The following RABGEF1 variants were observed in gnomAD, a reference collection of about 807,000 sequenced individuals.
RABGEF1 encodes RAB guanine nucleotide exchange factor 1.
A neutral mutation model predicts 57.3 loss-of-function variants in RABGEF1; 26 were observed. The ratio of observed to expected loss-of-function variants is 0.45; its 90% confidence interval spans 0.33 to 0.63. The LOEUF (loss-of-function observed/expected upper bound fraction) is 0.63, where lower values mean the gene tolerates loss of function less well. Among genes scored for constraint, RABGEF1 ranks in the 20% least tolerant of loss-of-function variants. The probability of loss-of-function intolerance (pLI) is 0.02; values close to 1 mark genes in which losing one functional copy is unlikely to be tolerated. For missense variants in RABGEF1, 464 were observed against 607.6 expected (o/e 0.76, Z 2.48); for synonymous variants, 185 against 210.7 (o/e 0.88, Z 1.06).
At chr7:66,708,701 A>G (rs1422314129) in intron 1 of RABGEF1, among the ~76,000 whole-genome samples, 4 of 151,990 alleles carry the variant, frequency 2.6e-5, no homozygotes. Context: ...GTTCCCAGCT[A>G]CTCAGGAGGC....
the RABGEF1 span, among the ~76,000 whole-genome samples, chr7:66,670,433 ATTTTTTT>A: frequency 7.8e-5 from 9 of 116,064 alleles, no homozygotes; most frequent in Non-Finnish European, 1.6e-4. Context: ...GAATGAGATG[ATTTTTTT>A]TTTTTTTTTT....
At chr7:66,661,753 C>T in the RABGEF1 span, among the ~76,000 whole-genome samples, 2 of 152,230 alleles carry the variant, frequency 1.3e-5, no homozygotes, top group African/African-American at 2.4e-5. Flanking sequence ...GGAGGAAATA[C>T]TTTCTAACTC....
At chr7:66,716,821 C>T (rs1423078567) in intron 2 of RABGEF1, among the ~76,000 whole-genome samples, 1 of 152,062 alleles carries the variant, frequency 6.6e-6, no homozygotes, top group African/African-American at 2.4e-5. Context: ...CTCTGTTGCC[C>T]GGGCTGGAGT....
At chr7:66,685,044 C>A (rs1790387622) in intron 1 of RABGEF1, among the ~76,000 whole-genome samples, 1 of 151,824 alleles carries the variant, frequency 6.6e-6, no homozygotes, top group Non-Finnish European at 1.5e-5. Flanking sequence ...GGATTACAAA[C>A]ATGAGCCACT....
At chr7:66,738,175 C>A (rs534916553), upstream of RABGEF1, among the ~76,000 whole-genome samples, 14 of 151,994 alleles carry the variant, frequency 9.2e-5, no homozygotes, top group Non-Finnish European at 1.9e-4. Flanking sequence ...TACAGGCCAC[C>A]ACCTGGCTAA....
intron 1 of RABGEF1, among the ~76,000 whole-genome samples, chr7:66,749,271 G>T (rs1233200399): frequency 2.0e-5 from 3 of 152,174 alleles, no homozygotes; most frequent in African/African-American, 7.2e-5. Context: ...TCAAATGCTA[G>T]CAGGAGCCAT....
At chr7:66,763,857 A>G (rs974504213) in intron 1 of RABGEF1, among the ~76,000 whole-genome samples, 2 of 152,236 alleles carry the variant, frequency 1.3e-5, no homozygotes, top group Non-Finnish European at 2.9e-5. Context: ...TTATGGATAT[A>G]CCACATTTTG....
chr7:66,780,884 G>A (rs1323881371), intron 3 of RABGEF1, among the ~76,000 whole-genome samples: 2 of 151,990 alleles, frequency 1.3e-5, no homozygotes, highest in African/African-American at 4.8e-5. Context: ...TTGTTTCAGA[G>A]TATGCTTTTC....
intron 2 of RABGEF1, among the ~76,000 whole-genome samples, chr7:66,729,380 CTCT>C (rs563610113): frequency 6.2e-4 from 94 of 151,620 alleles, no homozygotes; most frequent in Non-Finnish European, 8.0e-4. Flanking sequence ...CATTCTCACT[CTCT>C]TCTCACTCAC....
At chr7:66,664,162 C>A in the RABGEF1 span, among the ~76,000 whole-genome samples, 1 of 151,704 alleles carries the variant, frequency 6.6e-6, no homozygotes, top group Admixed American at 6.6e-5. Context: ...AAGATTGATC[C>A]ACAGAAAGGT....
At chr7:66,760,442 A>AT (rs1024130038) in intron 1 of RABGEF1, among the ~76,000 whole-genome samples, 15,962 of 126,112 alleles carry the variant, frequency 0.13, 1,116 homozygotes, top group Middle Eastern at 0.14. Flanking sequence ...GTTAGCATGT[A>AT]TTTTTTTTTT....
At chr7:66,667,218 A>T in the RABGEF1 span, among the ~76,000 whole-genome samples, 2 of 152,010 alleles carry the variant, frequency 1.3e-5, no homozygotes, top group Non-Finnish European at 1.5e-5. Flanking sequence ...AGTGCTGAGC[A>T]CCCTTAGTGC....
At chr7:66,790,475 G>A (rs1442682214) in intron 4 of RABGEF1, among the ~76,000 whole-genome samples, 12 of 152,188 alleles carry the variant, frequency 7.9e-5, no homozygotes, top group Non-Finnish European at 1.3e-4. Context: ...CTAGCATGAG[G>A]TCTTGTTCCA....
the RABGEF1 span, among the ~76,000 whole-genome samples, chr7:66,677,081 T>C: frequency 6.6e-6 from 1 of 152,216 alleles, no homozygotes; most frequent in Non-Finnish European, 1.5e-5. Context: ...TTTGATTTAT[T>C]TTTGAATTAA....
chr7:66,792,696 G>A (rs1220273854), intron 4 of RABGEF1, among the ~76,000 whole-genome samples: 4 of 152,186 alleles, frequency 2.6e-5, no homozygotes, highest in African/African-American at 9.6e-5. Flanking sequence ...TCACAGATAG[G>A]TAGAAAGAGA....
At chr7:66,691,477 A>C (rs998198250) in intron 1 of RABGEF1, among the ~76,000 whole-genome samples, 1 of 152,190 alleles carries the variant, frequency 6.6e-6, no homozygotes, top group African/African-American at 2.4e-5. Flanking sequence ...GTGTCAAAAA[A>C]TATGCTGAGT....
upstream of RABGEF1, among the ~76,000 whole-genome samples, chr7:66,680,610 A>G (rs1489966072): frequency 6.6e-6 from 1 of 151,772 alleles, no homozygotes; most frequent in African/African-American, 2.4e-5. Flanking sequence ...GAAGAATTTG[A>G]GAAACGAATC....
chr7:66,731,962 A>G (rs749733059), intron 2 of RABGEF1, among the ~76,000 whole-genome samples: 1 of 152,118 alleles, frequency 6.6e-6, no homozygotes, highest in Non-Finnish European at 1.5e-5. Flanking sequence ...CCCAGGGCCC[A>G]TGGGGGAAGG....
At chr7:66,744,667 CAA>C (rs774941950) in intron 1 of RABGEF1, among the ~76,000 whole-genome samples, 32 of 71,026 alleles carry the variant, frequency 4.5e-4, no homozygotes, top group Admixed American at 1.0e-3. Context: ...GACTCCGTCT[CAA>C]AAAAAAAAAA....
Sources: gnomAD v4.1 joint callset for allele counts (sites outside exome capture counted in the v4.1 genomes callset) on GRCh38, gnomAD v4.1.1 for gene constraint, MANE v1.5 for transcripts, NCBI Gene and HGNC (gene_info 2026-07-23, HGNC 2026-07-21) for gene names.